Variants in RAB3C observed in about 807,000 individuals in gnomAD.
The protein encoded by RAB3C is ras-related protein Rab-3C.
Under a neutral mutation model 26.4 loss-of-function variants are expected in RAB3C, and 17 were observed. The ratio of observed to expected loss-of-function variants is 0.64; its 90% confidence interval spans 0.44 to 0.97. The LOEUF is 0.97. Among genes scored for constraint, RAB3C ranks in the 50% least tolerant of loss-of-function variants. RAB3C has a pLI of 0.00. For synonymous variants in RAB3C, 91 were observed against 95.9 expected, an observed-to-expected ratio of 0.95 and a Z score of 0.30; for missense variants, 242 against 281.9, an observed-to-expected ratio of 0.86 and a Z score of 1.01.
chr5:58,624,890 A>G (rs558499918), intron 2 of RAB3C, among the ~76,000 whole-genome samples: 1 of 151,652 alleles, frequency 6.6e-6, no homozygotes, highest in African/African-American at 2.4e-5. Context: ...AAAAACAAAC[A>G]AAAAAAACCC....
At chr5:58,705,282 AC>A (rs1748922016) in intron 2 of RAB3C, among the ~76,000 whole-genome samples, 1 of 152,152 alleles carries the variant, frequency 6.6e-6, no homozygotes, top group Admixed American at 6.5e-5. Flanking sequence ...AGCAACCTTT[AC>A]CTTCAGGAAG....
At chr5:58,645,225 G>A (rs6862325) in intron 2 of RAB3C, among the ~76,000 whole-genome samples, 18,246 of 152,172 alleles carry the variant, frequency 0.12, 1,156 homozygotes, top group Middle Eastern at 0.21. Context: ...GCTTCAGTGC[G>A]TCAGCAAGTG....
intron 3 of RAB3C, among the ~76,000 whole-genome samples, chr5:58,811,344 CGTGTGTGTGTATGTGTGTGTATGT>C (rs998155136): frequency 6.6e-6 from 1 of 151,176 alleles, no homozygotes; most frequent in African/African-American, 2.4e-5. Flanking sequence ...TTAGATTTTG[CGTGTGTGTGTATGTGTGTGTATGT>C]GTGTGTGTGT....
At chr5:58,598,990 C>T (rs752748094) in intron 1 of RAB3C, among the ~76,000 whole-genome samples, 24 of 152,100 alleles carry the variant, frequency 1.6e-4, no homozygotes, top group Admixed American at 6.6e-5. Context: ...TTCCTTTGCT[C>T]ATCTCGCTAT....
In RAB3C at chr5:58,849,298, G is replaced by A. The variant is rs114034721; in HGVS notation, c.497-1866G>A. 4.2e-3 allele frequency among the ~76,000 whole-genome samples: 483 copies of A among 115,236 alleles called. 4 individuals carry two copies. The highest frequency in any genetic ancestry group is 0.016 in the African/African-American group (465 of 29,554). The allele number at this position is 115,236 out of a possible 152,430, so 75.6% of individuals were successfully genotyped here. Reference sequence around the variant, plus strand: ...CTTCAAAGGCTCATTCAGGGATCTTGAATTCTTCAGTGGGTTCTTGGTATC... The same window carrying A: ...CTTCAAAGGCTCATTCAGGGATCTTAAATTCTTCAGTGGGTTCTTGGTATC... On this transcript the variant is annotated intron_variant, in intron 4 of 4. Coordinates refer to ENST00000282878, the MANE Select transcript of RAB3C (RefSeq NM_138453.4).
chr5:58,811,864 T>A (rs1351403447), intron 3 of RAB3C, among the ~76,000 whole-genome samples: 1 of 147,516 alleles, frequency 6.8e-6, no homozygotes, highest in African/African-American at 2.5e-5. Context: ...CCTTCACTCC[T>A]CAGCCCTTCT....
intron 3 of RAB3C, among the ~76,000 whole-genome samples, chr5:58,726,475 C>A (rs114171711): frequency 2.0e-5 from 3 of 151,846 alleles, no homozygotes; most frequent in East Asian, 1.9e-4. Flanking sequence ...ATGGCTCTTG[C>A]GCCAAATCTG....
At chr5:58,811,071 T>C (rs948006778) in intron 3 of RAB3C, among the ~76,000 whole-genome samples, 31 of 152,338 alleles carry the variant, frequency 2.0e-4, no homozygotes, top group African/African-American at 6.7e-4. Flanking sequence ...TAGGGTTTAA[T>C]GAACCACTTC....
In RAB3C at chr5:58,749,271, C is replaced by T. The variant is rs116444229; in HGVS notation, c.371+23151C>T. The stretch of plus-strand genomic sequence containing the variant: ...TTCTTTCATAGTGTTTAGAAAAGTC[C>T]TAATATTAAGAAATTGTGATTTTTA... On this transcript the variant is annotated intron_variant, in intron 3 of 4. Coordinates refer to ENST00000282878, the MANE Select transcript of RAB3C (RefSeq NM_138453.4). Among the ~76,000 whole-genome samples, 617 of 152,104 alleles carry T rather than the reference C, an allele frequency of 4.1e-3. 5 individuals are homozygous for T. Among genetic ancestry groups the T allele is most frequent in the African/African-American group, 0.014 (566 of 41,494 alleles).
chr5:58,682,082 T>C, intron 2 of RAB3C, among the ~76,000 whole-genome samples: 1 of 152,130 alleles, frequency 6.6e-6, no homozygotes. Context: ...AGGAGAAACA[T>C]TTGTATGGTT....
At chr5:58,671,730 C>T (rs1233815344) in intron 2 of RAB3C, among the ~76,000 whole-genome samples, 1 of 152,116 alleles carries the variant, frequency 6.6e-6, no homozygotes, top group African/African-American at 2.4e-5. Flanking sequence ...ATTTATGTGA[C>T]CAAACTTTGA....
At chr5:58,848,639 T>C (rs1561151699) in intron 4 of RAB3C, 1 of 152,364 alleles carries the variant, frequency 6.6e-6, no homozygotes, top group Non-Finnish European at 1.5e-5. Flanking sequence ...ATAGTAATCA[T>C]TCAACAAATG....
At chr5:58,838,608 A>C (rs1164871247) in intron 4 of RAB3C, among the ~76,000 whole-genome samples, 5 of 151,050 alleles carry the variant, frequency 3.3e-5, no homozygotes, top group Non-Finnish European at 7.4e-5. Flanking sequence ...TTTGTGTTCT[A>C]ATATATGGTC....
At chr5:58,776,122 G>C (rs1291725520) in intron 3 of RAB3C, among the ~76,000 whole-genome samples, 1 of 152,002 alleles carries the variant, frequency 6.6e-6, no homozygotes, top group African/African-American at 2.4e-5. Flanking sequence ...CTCAGCCACT[G>C]TTTAGGTCAT....
intron 2 of RAB3C, among the ~76,000 whole-genome samples, chr5:58,707,798 C>A (rs1748974397): frequency 6.6e-6 from 1 of 152,080 alleles, no homozygotes; most frequent in Admixed American, 6.6e-5. Flanking sequence ...AGGAATAGGT[C>A]TCCTAAAACT....
intron 2 of RAB3C, among the ~76,000 whole-genome samples, chr5:58,659,767 C>A (rs564698688): frequency 1.3e-5 from 2 of 152,248 alleles, no homozygotes; most frequent in African/African-American, 4.8e-5. Context: ...TGGTTGTAAT[C>A]CCCTGACCAT....
At chr5:58,697,813 G>A (rs564248619) in intron 2 of RAB3C, among the ~76,000 whole-genome samples, 1 of 152,054 alleles carries the variant, frequency 6.6e-6, no homozygotes, top group Non-Finnish European at 1.5e-5. Context: ...GAGCCTATGT[G>A]CGTCTTTGCA....
chr5:58,758,522 TA>T (rs1741724521), intron 3 of RAB3C, among the ~76,000 whole-genome samples: 1 of 152,182 alleles, frequency 6.6e-6, no homozygotes, highest in African/African-American at 2.4e-5. Flanking sequence ...GTTAAACCCT[TA>T]ATTCATTTCT....
At chr5:58,742,702 T>A (rs539074238) in intron 3 of RAB3C, among the ~76,000 whole-genome samples, 1 of 152,210 alleles carries the variant, frequency 6.6e-6, no homozygotes, top group Non-Finnish European at 1.5e-5. Context: ...TTTATGTAAA[T>A]CTTTGCCTTC....
Sources: allele counts gnomAD v4.1 joint callset (sites outside exome capture counted in the v4.1 genomes callset), GRCh38; gene constraint gnomAD v4.1.1; transcripts MANE v1.5; gene names NCBI Gene and HGNC (gene_info 2026-07-23, HGNC 2026-07-21).